Variants in INSYN2B observed in about 807,000 individuals in gnomAD.
INSYN2B encodes protein INSYN2B.
A neutral mutation model predicts 41.2 loss-of-function variants in INSYN2B; 16 were observed. That is an observed-to-expected ratio of 0.39 (90% CI 0.26 to 0.59). The LOEUF (loss-of-function observed/expected upper bound fraction) is 0.59, where lower values mean the gene tolerates loss of function less well. Ranked by LOEUF, INSYN2B falls within the 20% of genes least tolerant of loss-of-function variation. INSYN2B has a pLI of 0.57. For synonymous variants in INSYN2B, 245 were observed against 244.4 expected (o/e 1.00, Z -0.02); for missense variants, 608 against 646.4 (o/e 0.94, Z 0.64).
intron 1 of INSYN2B, among the ~76,000 whole-genome samples, chr5:169,915,594 A>G (rs1445155902): frequency 6.6e-6 from 1 of 151,510 alleles, no homozygotes; most frequent in East Asian, 1.9e-4. Context: ...ACACACACAC[A>G]CACACACAGA....
chr5:169,901,831 G>A, intron 1 of INSYN2B, among the ~76,000 whole-genome samples: 1 of 152,192 alleles, frequency 6.6e-6, no homozygotes, highest in Non-Finnish European at 1.5e-5. Flanking sequence ...ATGTGCTATG[G>A]TGTTACCACC....
chr5:169,954,695 C>A (rs1776793239), intron 1 of INSYN2B, among the ~76,000 whole-genome samples: 1 of 152,174 alleles, frequency 6.6e-6, no homozygotes, highest in African/African-American at 2.4e-5. Flanking sequence ...CCCTTTCAAA[C>A]TTGTTGTTGT....
At chr5:169,905,550 C>T (rs1774227991) in intron 1 of INSYN2B, among the ~76,000 whole-genome samples, 2 of 152,148 alleles carry the variant, frequency 1.3e-5, no homozygotes, top group Admixed American at 6.5e-5. Context: ...TTTAATGCCC[C>T]CACCTCTCTG....
At chr5:169,933,906 A>C (rs1775872357) in intron 1 of INSYN2B, among the ~76,000 whole-genome samples, 1 of 152,220 alleles carries the variant, frequency 6.6e-6, no homozygotes, top group African/African-American at 2.4e-5. Flanking sequence ...CTTCCTGAAC[A>C]AACTACTGGT....
At chr5:169,926,093 G>C (rs1353481409) in intron 1 of INSYN2B, among the ~76,000 whole-genome samples, 1 of 152,174 alleles carries the variant, frequency 6.6e-6, no homozygotes, top group East Asian at 1.9e-4. Flanking sequence ...CTCTCTTAGA[G>C]ACAAGTGGGA....
chr5:169,926,875 G>C (rs888562990), intron 1 of INSYN2B, among the ~76,000 whole-genome samples: 1 of 152,126 alleles, frequency 6.6e-6, no homozygotes, highest in Non-Finnish European at 1.5e-5. Context: ...CTAAAAAAAA[G>C]ACCAGTACAT....
intron 1 of INSYN2B, among the ~76,000 whole-genome samples, chr5:169,903,608 A>G (rs1038239516): frequency 2.6e-5 from 4 of 152,140 alleles, no homozygotes; most frequent in Non-Finnish European, 5.9e-5. Flanking sequence ...GTAGGTACAA[A>G]GGCCTCCAAG....
At chr5:169,891,991 G>A (rs1411684657) in intron 1 of INSYN2B, among the ~76,000 whole-genome samples, 2 of 125,620 alleles carry the variant, frequency 1.6e-5, no homozygotes, top group Admixed American at 9.2e-5. Flanking sequence ...GCGAGATTCC[G>A]TCCCAAAAAA....
intron 1 of INSYN2B, among the ~76,000 whole-genome samples, chr5:169,890,937 C>T (rs1363859612): frequency 6.6e-6 from 1 of 152,178 alleles, no homozygotes; most frequent in African/African-American, 2.4e-5. Flanking sequence ...AATCAGATCA[C>T]ATCAGGCCCC....
chr5:169,884,806 G>A lies in INSYN2B; in HGVS notation c.-908C>T, dbSNP rs992951961. The A allele has an allele frequency of 1.3e-5, 2 of 152,294 alleles. No individual in the cohort carries two copies. The highest frequency in any genetic ancestry group is 2.9e-5 in the Non-Finnish European group (2 of 68,038). 9.4% of individuals were successfully genotyped at this position (152,294 alleles called of 1,614,324 possible). ...GCTGGGGTCTGATATCTGCAAGCAG[G>A]CGAGGAGCACCTGAAAGGGAAGAGA... On this transcript the variant is annotated 5_prime_UTR_variant, in exon 2 of 4. Coordinates refer to ENST00000377365, the MANE Select transcript of INSYN2B (RefSeq NM_001129891.3).
At chr5:169,952,557 A>G (rs557129295) in intron 1 of INSYN2B, among the ~76,000 whole-genome samples, 44 of 152,280 alleles carry the variant, frequency 2.9e-4, no homozygotes, top group African/African-American at 1.0e-3. Context: ...CTGAGAAGGT[A>G]GTGTGGCACT....
At chr5:169,888,957 T>C (rs1215673063) in intron 1 of INSYN2B, among the ~76,000 whole-genome samples, 1 of 152,208 alleles carries the variant, frequency 6.6e-6, no homozygotes, top group Non-Finnish European at 1.5e-5. Context: ...GTCTCTGTAC[T>C]TTGTGTCTTT....
chr5:169,895,654 C>T (rs547312318), intron 1 of INSYN2B, among the ~76,000 whole-genome samples: 3 of 152,140 alleles, frequency 2.0e-5, no homozygotes, highest in South Asian at 4.2e-4. Flanking sequence ...CCACAGCCCC[C>T]GAGAGCAGGG....
chr5:169,877,358 G>T (rs936279536), intron 3 of INSYN2B, among the ~76,000 whole-genome samples: 2 of 152,184 alleles, frequency 1.3e-5, no homozygotes, highest in Non-Finnish European at 2.9e-5. Context: ...TGTCAAAAAG[G>T]TCAATTCACG....
intron 1 of INSYN2B, among the ~76,000 whole-genome samples, chr5:169,894,611 G>C (rs1216968430): frequency 6.6e-6 from 1 of 152,190 alleles, no homozygotes; most frequent in East Asian, 1.9e-4. Context: ...CAGAGAACTC[G>C]GTGGCACAAG....
At position 169,883,233 on chromosome 5, in the gene INSYN2B, G is replaced by T; in HGVS notation, c.666C>A (p.Ser222Arg). Residue 222 changes from serine (S) to arginine (R), a missense_variant, in exon 2 of 4, where the codon AGC becomes AGA. Ser to Arg is a moderately radical substitution (Grantham distance 110, BLOSUM62 -1). Coordinates refer to ENST00000377365, the MANE Select transcript of INSYN2B (RefSeq NM_001129891.3). ...PSWEARESAL[S>R]PDRSAEVSNS... The stretch of plus-strand genomic sequence containing the variant: ...TACTTACTTCAGCTGACCTGTCTGG[G>T]CTGAGAGCAGACTCTCTAGCTTCCC... 4.5e-6 allele frequency: 7 copies of T among 1,551,508 alleles called. No individual in the cohort carries two copies. Among genetic ancestry groups the T allele is most frequent in the Non-Finnish European group, 6.1e-6 (7 of 1,146,882 alleles).
intron 1 of INSYN2B, among the ~76,000 whole-genome samples, chr5:169,958,263 C>T (rs1208808209): frequency 6.6e-6 from 1 of 152,068 alleles, no homozygotes; most frequent in Non-Finnish European, 1.5e-5. Flanking sequence ...TTATACTTTA[C>T]TGCACTGTTA....
chr5:169,867,495 A>G lies in INSYN2B; in HGVS notation c.1422-3036T>C, dbSNP rs568242439. ...CATCCATCTATCATCTATCTAATCT[A>G]TCATCTATTATCTATTTATCTATCT... On this transcript the variant is annotated intron_variant, in intron 3 of 3. Coordinates refer to ENST00000377365, the MANE Select transcript of INSYN2B (RefSeq NM_001129891.3). Among the ~76,000 whole-genome samples, 3 of 152,094 alleles carry G rather than the reference A, an allele frequency of 2.0e-5. No individual in the cohort carries two copies. The East Asian group carries it at 5.8e-4, about 29-fold the overall frequency.
intron 1 of INSYN2B, among the ~76,000 whole-genome samples, chr5:169,909,596 G>T (rs1327673920): frequency 6.6e-6 from 1 of 152,184 alleles, no homozygotes; most frequent in African/African-American, 2.4e-5. Context: ...TAAGAAACAG[G>T]TTTAGTTACT....
Sources: gnomAD v4.1 joint callset for allele counts (sites outside exome capture counted in the v4.1 genomes callset) on GRCh38, gnomAD v4.1.1 for gene constraint, MANE v1.5 for transcripts, NCBI Gene and HGNC (gene_info 2026-07-23, HGNC 2026-07-21) for gene names.